LRP1B: variants seen among roughly 807,000 people sequenced by gnomAD.
LRP1B encodes low-density lipoprotein receptor-related protein 1B.
A neutral mutation model predicts 556.6 loss-of-function variants in LRP1B; 217 were observed. That is an observed-to-expected ratio of 0.39 (90% CI 0.35 to 0.44). The LOEUF (loss-of-function observed/expected upper bound fraction) is 0.44, where lower values mean the gene tolerates loss of function less well. Ranked by LOEUF, LRP1B falls within the 20% of genes least tolerant of loss-of-function variation. The probability of loss-of-function intolerance (pLI) is 1.00; values close to 1 mark genes in which losing one functional copy is unlikely to be tolerated. For missense variants in LRP1B, 5,053 were observed against 5,620.8 expected, an observed-to-expected ratio of 0.90 and a Z score of 3.23; for synonymous variants, 2,047 against 1,865.8, an observed-to-expected ratio of 1.10 and a Z score of -2.50.
At chr2:141,185,697 C>CAAAAAAAAAAAAA (rs533419513) in intron 7 of LRP1B, among the ~76,000 whole-genome samples, 2 of 77,790 alleles carry the variant, frequency 2.6e-5, no homozygotes, top group African/African-American at 8.1e-5. Context: ...CAAAAAAAAA[C>CAAAAAAAAAAAAA]AAAAAAAAAA....
chr2:141,039,578 T>C (rs888281261), intron 11 of LRP1B, among the ~76,000 whole-genome samples: 2 of 152,048 alleles, frequency 1.3e-5, no homozygotes, highest in African/African-American at 4.8e-5. Flanking sequence ...CTAACATCTA[T>C]AATAGACTTC....
chr2:140,252,492 C>G (rs1480789229), intron 86 of LRP1B, among the ~76,000 whole-genome samples: 1 of 151,958 alleles, frequency 6.6e-6, no homozygotes, highest in Non-Finnish European at 1.5e-5. Flanking sequence ...AGAAGCGGAA[C>G]TAATAAGTGG....
chr2:141,892,232 A>G (rs1699313670), intron 1 of LRP1B, among the ~76,000 whole-genome samples: 1 of 152,028 alleles, frequency 6.6e-6, no homozygotes, highest in Admixed American at 6.6e-5. Flanking sequence ...AGACTCACCA[A>G]GAAAGTATTT....
At chr2:141,067,668 A>G (rs1699515251) in intron 7 of LRP1B, among the ~76,000 whole-genome samples, 1 of 152,020 alleles carries the variant, frequency 6.6e-6, no homozygotes, top group South Asian at 2.1e-4. Context: ...GCGCAGTAGC[A>G]TAATACCATT....
At chr2:140,402,199 G>A (rs531867057) in intron 66 of LRP1B, among the ~76,000 whole-genome samples, 6 of 152,310 alleles carry the variant, frequency 3.9e-5, no homozygotes, top group African/African-American at 1.4e-4. Context: ...CACCCCGTGG[G>A]ACAAATGAAC....
At chr2:140,712,969 G>C (rs1687086562) in intron 37 of LRP1B, among the ~76,000 whole-genome samples, 2 of 151,590 alleles carry the variant, frequency 1.3e-5, no homozygotes. Flanking sequence ...CTCTCTCCTA[G>C]TCATTCTATC....
chr2:141,056,531 A>T (rs1699182833), intron 9 of LRP1B, among the ~76,000 whole-genome samples: 1 of 151,802 alleles, frequency 6.6e-6, no homozygotes, highest in Admixed American at 6.6e-5. Context: ...TATTCACTTA[A>T]TTCTGAAACT....
At chr2:140,290,648 C>T (rs1265568944) in intron 84 of LRP1B, among the ~76,000 whole-genome samples, 3 of 152,096 alleles carry the variant, frequency 2.0e-5, no homozygotes, top group Admixed American at 6.6e-5. Context: ...GTTCTCTTTT[C>T]CTGATCATTT....
chr2:141,851,274 A>G (rs1370220597), intron 1 of LRP1B, among the ~76,000 whole-genome samples: 1 of 151,874 alleles, frequency 6.6e-6, no homozygotes, highest in African/African-American at 2.4e-5. Flanking sequence ...GAGAAGGTGA[A>G]GCAATATTGT....
intron 41 of LRP1B, among the ~76,000 whole-genome samples, chr2:140,635,198 C>G (rs1047242492): frequency 1.3e-5 from 2 of 151,990 alleles, no homozygotes; most frequent in Non-Finnish European, 2.9e-5. Flanking sequence ...TCACTTTTCT[C>G]TCTGTAAAAC....
chr2:141,650,836 T>G (rs981831120), intron 2 of LRP1B, among the ~76,000 whole-genome samples: 2 of 152,220 alleles, frequency 1.3e-5, no homozygotes, highest in Non-Finnish European at 2.9e-5. Flanking sequence ...TAATCCCGAA[T>G]TTATCTTAAA....
At chr2:142,129,584 T>C (rs368230446) in intron 1 of LRP1B, among the ~76,000 whole-genome samples, 194 of 134,788 alleles carry the variant, frequency 1.4e-3, no homozygotes, top group Middle Eastern at 4.1e-3. Flanking sequence ...CTTTCTCTCT[T>C]TCTCTCTCTC....
At chr2:140,615,876 A>C (rs2105237257) in intron 41 of LRP1B, among the ~76,000 whole-genome samples, 1 of 152,202 alleles carries the variant, frequency 6.6e-6, no homozygotes, top group East Asian at 1.9e-4. Flanking sequence ...TTCTATACTT[A>C]TCTTGCTGAC....
At chr2:141,335,697 G>A (rs1402475) in intron 3 of LRP1B, among the ~76,000 whole-genome samples, 88,254 of 151,956 alleles carry the variant, frequency 0.58, 26,554 homozygotes, top group African/African-American at 0.68. Flanking sequence ...TAGCACAGAC[G>A]AGAGGTATTA....
intron 3 of LRP1B, among the ~76,000 whole-genome samples, chr2:141,357,125 G>A (rs1688657391): frequency 6.6e-6 from 1 of 151,590 alleles, no homozygotes; most frequent in Non-Finnish European, 1.5e-5. Flanking sequence ...GTGCGATCTT[G>A]GCTCACTGCA....
chr2:141,980,011 T>G (rs1047111076), intron 1 of LRP1B, among the ~76,000 whole-genome samples: 4 of 152,150 alleles, frequency 2.6e-5, no homozygotes, highest in African/African-American at 7.2e-5. Context: ...CCTCTTTATA[T>G]TTGAGGTCAC....
intron 3 of LRP1B, among the ~76,000 whole-genome samples, chr2:141,430,763 A>G (rs753887077): frequency 1.1e-4 from 16 of 152,164 alleles, no homozygotes; most frequent in Non-Finnish European, 1.9e-4. Context: ...TTGGTTATAC[A>G]ATCAAATGCC....
chr2:140,246,391 C>T (rs780011567), intron 87 of LRP1B, among the ~76,000 whole-genome samples: 15 of 151,252 alleles, frequency 9.9e-5, no homozygotes, highest in Non-Finnish European at 2.2e-4. Context: ...AACTGGCAAA[C>T]TTTATTTCAG....
intron 3 of LRP1B, among the ~76,000 whole-genome samples, chr2:141,336,205 C>T (rs1162880684): frequency 4.0e-5 from 6 of 151,708 alleles, no homozygotes; most frequent in African/African-American, 7.3e-5. Context: ...GCAGTCACTT[C>T]CTTGGCTCCT....
Sources: allele counts gnomAD v4.1 joint callset (sites outside exome capture counted in the v4.1 genomes callset), GRCh38; gene constraint gnomAD v4.1.1; transcripts MANE v1.5; gene names NCBI Gene and HGNC (gene_info 2026-07-23, HGNC 2026-07-21).